The following RBM19 variants were observed in gnomAD, a reference collection of about 807,000 sequenced individuals.
RBM19 encodes the protein probable RNA-binding protein 19.
RBM19 carries 94 observed loss-of-function variants against 116.8 expected under a neutral mutation model. The observed-to-expected ratio is 0.80, with a 90% CI of 0.68 to 0.95. The LOEUF is 0.95. RBM19 is among the 40% of genes least tolerant of loss of function. RBM19 has a pLI of 0.00. For missense variants in RBM19, 1,161 were observed against 1,220.7 expected, an observed-to-expected ratio of 0.95 and a Z score of 0.73; for synonymous variants, 475 against 494.1, an observed-to-expected ratio of 0.96 and a Z score of 0.51.
chr12:113,872,109 T>C (rs1455454556), intron 21 of RBM19, among the ~76,000 whole-genome samples: 2 of 144,242 alleles, frequency 1.4e-5, no homozygotes, highest in Non-Finnish European at 3.0e-5. Context: ...CCATCACATC[T>C]AGGAAGTGAG....
At chr12:113,869,736 C>T (rs1482128682) in intron 21 of RBM19, among the ~76,000 whole-genome samples, 5 of 152,200 alleles carry the variant, frequency 3.3e-5, no homozygotes, top group Non-Finnish European at 5.9e-5. Context: ...AAAACCCAGC[C>T]GTTTGCTTGT....
intron 22 of RBM19, among the ~76,000 whole-genome samples, chr12:113,857,717 G>T (rs1186965632): frequency 6.6e-6 from 1 of 152,248 alleles, no homozygotes; most frequent in Non-Finnish European, 1.5e-5. Context: ...GGCTCTCCGA[G>T]GGTCCCCATG....
chr12:113,944,117 T>TTTTTG (rs374683065), intron 13 of RBM19, among the ~76,000 whole-genome samples: 2 of 102,586 alleles, frequency 1.9e-5, no homozygotes, highest in Non-Finnish European at 3.7e-5. Flanking sequence ...TTTTTTTTTT[T>TTTTTG]GGGGCAGACT....
intron 21 of RBM19, among the ~76,000 whole-genome samples, chr12:113,893,957 A>T (rs1186401976): frequency 6.6e-6 from 1 of 151,596 alleles, no homozygotes; most frequent in Non-Finnish European, 1.5e-5. Flanking sequence ...GTCTCGGCAC[A>T]CACAACAGTC....
intron 23 of RBM19, among the ~76,000 whole-genome samples, chr12:113,841,516 C>T (rs1438227432): frequency 2.0e-5 from 3 of 151,628 alleles, no homozygotes; most frequent in South Asian, 2.1e-4. Context: ...CTCCGCGTCC[C>T]GGGTTCAAGT....
chr12:113,915,180 T>G, intron 20 of RBM19, 95 bp from the exon 21 acceptor site: 1 of 1,052,322 alleles, frequency 9.5e-7, no homozygotes, highest in Non-Finnish European at 1.5e-6. Context: ...AATATTCAGG[T>G]GATGGATTCA....
chr12:113,839,637 A>G (rs1223945627), intron 23 of RBM19, among the ~76,000 whole-genome samples: 3 of 152,240 alleles, frequency 2.0e-5, no homozygotes, highest in Non-Finnish European at 4.4e-5. Context: ...GAATGACATG[A>G]GACCCCTCAC....
intron 16 of RBM19, among the ~76,000 whole-genome samples, chr12:113,930,783 G>A (rs984460419): frequency 3.9e-5 from 6 of 152,142 alleles, no homozygotes; most frequent in African/African-American, 1.4e-4. Flanking sequence ...ACTTCACCCT[G>A]GATCCTAGAA....
chr12:113,853,738 C>T lies in RBM19; in HGVS notation c.2664+5053G>A, dbSNP rs531295790. On this transcript the variant is annotated intron_variant, in intron 22 of 23. Coordinates refer to ENST00000261741, the MANE Select transcript of RBM19 (RefSeq NM_016196.4). ...AGCTGCCCAGGTGAAAGGCTGCTGCCTCCTCAGTGAGGCTACTCCTGGGGA... is the reference window on the plus strand; with the variant it reads ...AGCTGCCCAGGTGAAAGGCTGCTGCTTCCTCAGTGAGGCTACTCCTGGGGA... Among the ~76,000 whole-genome samples, 5 of 152,314 alleles carry T rather than the reference C, an allele frequency of 3.3e-5. No homozygotes were observed. The South Asian group carries it at 8.3e-4, about 25-fold the overall frequency.
chr12:113,963,589 G>C (rs1872661733), intron 1 of RBM19, among the ~76,000 whole-genome samples: 1 of 152,200 alleles, frequency 6.6e-6, no homozygotes, highest in Non-Finnish European at 1.5e-5. Context: ...AAACTCATAA[G>C]GGATAAATGA....
chr12:113,946,556 C>T (rs1871041787), intron 11 of RBM19, 81 bp from the exon 12 acceptor site: 1 of 1,587,588 alleles, frequency 6.3e-7, no homozygotes, highest in Non-Finnish European at 8.6e-7. Context: ...TTGGCTTCTG[C>T]CACGAGTAAG....
chr12:113,920,472 C>T (rs567160750), intron 19 of RBM19, 139 bp downstream of exon 19: 65 of 785,878 alleles, frequency 8.3e-5, no homozygotes, highest in South Asian at 6.9e-4. Context: ...GCCACAGTCC[C>T]GTAGAGATCT....
At chr12:113,860,436 G>A (rs1376834961) in intron 21 of RBM19, among the ~76,000 whole-genome samples, 1 of 152,214 alleles carries the variant, frequency 6.6e-6, no homozygotes. Context: ...AAATTTTCTT[G>A]TAAGCTCGTT....
intron 8 of RBM19, among the ~76,000 whole-genome samples, 171 bp from the exon 9 acceptor site, chr12:113,950,325 C>A (rs1310648229): frequency 1.3e-5 from 2 of 152,176 alleles, no homozygotes; most frequent in African/African-American, 4.8e-5. Flanking sequence ...CCACCCACAG[C>A]CAAATTTCCC....
rs1347931794 is a variant in RBM19, at chr12:113,844,922, G to T, written c.2665-134C>A. On this transcript the variant is annotated intron_variant, in intron 22 of 23. Coordinates refer to ENST00000261741, the MANE Select transcript of RBM19 (RefSeq NM_016196.4). ...CTGGCCCCGTGACATCTGATCTCCA[G>T]CGAGGGTTTGGGGAGCGGTTGGGCA... is the stretch of plus-strand genomic sequence containing the variant. 1.2e-5 allele frequency: 16 copies of T among 1,297,102 alleles called. No homozygotes were observed. The African/African-American group carries it at 2.4e-4, about 20-fold the overall frequency. 80.3% of individuals were successfully genotyped at this position (1,297,102 alleles called of 1,614,324 possible).
At chr12:113,896,105 C>T (rs936199863) in intron 21 of RBM19, among the ~76,000 whole-genome samples, 1 of 152,088 alleles carries the variant, frequency 6.6e-6, no homozygotes, top group Non-Finnish European at 1.5e-5. Flanking sequence ...AAGATGACCA[C>T]ATATTAGCAT....
intron 21 of RBM19, among the ~76,000 whole-genome samples, chr12:113,884,302 C>T (rs1403823978): frequency 2.1e-5 from 2 of 93,154 alleles, no homozygotes; most frequent in Non-Finnish European, 5.2e-5. Context: ...AAAGTATACA[C>T]ACACACACAC....
chr12:113,949,032 C>T lies in RBM19; in HGVS notation c.1077G>A (p.Gly359=), dbSNP rs1871275221. The change falls in exon 10 of 24, where the codon GGG becomes GGA. Residue 359 remains glycine, a synonymous_variant. Coordinates refer to ENST00000261741, the MANE Select transcript of RBM19 (RefSeq NM_016196.4). The part of the protein sequence containing the change: ...ALKCNREYMG[G]RYIEVFREKN... ...TTTCCCTGAACACCTCGATGTAGCG[C>T]CCACCTGCAATGAAGAGGAGTCAGG... 1.2e-6 allele frequency: 2 copies of T among 1,612,586 alleles called. No homozygotes were observed. Among genetic ancestry groups the T allele is most frequent in the Non-Finnish European group, 1.7e-6 (2 of 1,178,876 alleles).
chr12:113,867,012 T>C (rs75712023), intron 21 of RBM19, among the ~76,000 whole-genome samples: 10,056 of 152,280 alleles, frequency 0.066, 644 homozygotes, highest in East Asian at 0.34. Flanking sequence ...AGCTGGTCTA[T>C]ATCCCTAAAT....
Sources: allele counts gnomAD v4.1 joint callset (sites outside exome capture counted in the v4.1 genomes callset), GRCh38; gene constraint gnomAD v4.1.1; transcripts MANE v1.5; gene names NCBI Gene and HGNC (gene_info 2026-07-23, HGNC 2026-07-21).